SCFD2: variants seen among roughly 807,000 people sequenced by gnomAD.
The protein encoded by SCFD2 is sec1 family domain containing 2, also known as sec1 family domain-containing protein 2.
A neutral mutation model predicts 58.9 loss-of-function variants in SCFD2; 54 were observed. The ratio of observed to expected loss-of-function variants is 0.92; its 90% CI spans 0.74 to 1.15. SCFD2 has a LOEUF of 1.15. SCFD2 is among the 50% of genes most tolerant of loss of function. SCFD2 has a pLI of 0.00. For synonymous variants in SCFD2, 321 were observed against 335.9 expected, an observed-to-expected ratio of 0.96 and a Z score of 0.49; for missense variants, 805 against 836.6, an observed-to-expected ratio of 0.96 and a Z score of 0.47.
chr4:53,117,049 T>A (rs1182427472), intron 5 of SCFD2, among the ~76,000 whole-genome samples: 1 of 152,136 alleles, frequency 6.6e-6, no homozygotes, highest in East Asian at 1.9e-4. Context: ...TCCTGAGAAA[T>A]AGACTCAGAA....
chr4:53,311,509 T>C (rs1732687899), intron 3 of SCFD2, among the ~76,000 whole-genome samples: 1 of 152,186 alleles, frequency 6.6e-6, no homozygotes, highest in South Asian at 2.1e-4. Flanking sequence ...GTTGCTCTTT[T>C]AAGAGTCCTG....
intron 5 of SCFD2, among the ~76,000 whole-genome samples, chr4:53,135,494 G>T (rs1725909179): frequency 6.6e-6 from 1 of 152,170 alleles, no homozygotes; most frequent in African/African-American, 2.4e-5. Flanking sequence ...CCAGCACTTT[G>T]GGAGGCCGAG....
chr4:52,878,801 CATGGGTGATGCTCA>C (rs567944110), intron 8 of SCFD2, among the ~76,000 whole-genome samples: 33 of 152,284 alleles, frequency 2.2e-4, no homozygotes, highest in African/African-American at 7.7e-4. Context: ...AGAAAATTCC[CATGGGTGATGCTCA>C]ATGCTTGCCC....
intron 5 of SCFD2, among the ~76,000 whole-genome samples, chr4:52,940,562 C>T (rs974832787): frequency 2.0e-5 from 3 of 152,150 alleles, no homozygotes; most frequent in African/African-American, 7.2e-5. Context: ...TGGGAGGACT[C>T]TTGTAATCTG....
chr4:53,231,468 C>A (rs920722988), intron 4 of SCFD2, among the ~76,000 whole-genome samples: 1 of 152,170 alleles, frequency 6.6e-6, no homozygotes, highest in African/African-American at 2.4e-5. Flanking sequence ...CATAAGCTCT[C>A]CTACAAAAGC....
intron 5 of SCFD2, among the ~76,000 whole-genome samples, chr4:52,932,234 T>C (rs1720014777): frequency 6.6e-6 from 1 of 152,232 alleles, no homozygotes; most frequent in African/African-American, 2.4e-5. Flanking sequence ...CTGGCTGTGA[T>C]GCGTCTCTGG....
At chr4:53,177,841 C>T (rs1388387867) in intron 4 of SCFD2, among the ~76,000 whole-genome samples, 3 of 152,214 alleles carry the variant, frequency 2.0e-5, no homozygotes, top group Admixed American at 6.5e-5. Context: ...AAAAATGGCA[C>T]ACCAGGAGAT....
chr4:53,060,660 C>G (rs796956029), intron 5 of SCFD2, among the ~76,000 whole-genome samples: 11 of 152,050 alleles, frequency 7.2e-5, no homozygotes, highest in African/African-American at 2.7e-4. Context: ...TTTAATGAGA[C>G]ATTAAGGAAA....
At chr4:53,328,687 T>G (rs556698209) in intron 2 of SCFD2, among the ~76,000 whole-genome samples, 2 of 152,180 alleles carry the variant, frequency 1.3e-5, no homozygotes, top group South Asian at 4.2e-4. Flanking sequence ...ATTGGAAAAA[T>G]CACTATTATC....
At chr4:53,199,977 A>G (rs1175176432) in intron 4 of SCFD2, among the ~76,000 whole-genome samples, 1 of 151,934 alleles carries the variant, frequency 6.6e-6, no homozygotes, top group Non-Finnish European at 1.5e-5. Flanking sequence ...AGAGAGGGAG[A>G]GAGAGAGAGA....
chr4:52,937,258 C>T (rs1167052979), intron 5 of SCFD2, among the ~76,000 whole-genome samples: 2 of 152,098 alleles, frequency 1.3e-5, no homozygotes, highest in African/African-American at 4.8e-5. Flanking sequence ...AGCAAGGGGG[C>T]CAAGTGGCTG....
intron 2 of SCFD2, among the ~76,000 whole-genome samples, chr4:53,325,150 G>A (rs1187508854): frequency 6.0e-5 from 9 of 149,734 alleles, no homozygotes; most frequent in East Asian, 2.0e-4. Context: ...CCTTAAGAAC[G>A]TAATATAACC....
At chr4:53,064,282 C>T (rs1280322260) in intron 5 of SCFD2, among the ~76,000 whole-genome samples, 1 of 152,060 alleles carries the variant, frequency 6.6e-6, no homozygotes. Flanking sequence ...CCACCCTCCC[C>T]CTCTAGTAGT....
rs969977198 is a variant in SCFD2, at chr4:52,907,351, A to C, written c.1842+106T>G. 30 of 1,114,120 alleles carry C rather than the reference A, an allele frequency of 2.7e-5. No homozygotes were observed. The African/African-American group carries it at 4.2e-4, about 16-fold the overall frequency. The allele number at this position is 1,114,120 out of a possible 1,614,324, so 69.0% of individuals were successfully genotyped here. On this transcript the variant is annotated intron_variant, in intron 7 of 8. Transcript: ENST00000401642. Reference sequence around the variant, plus strand: ...GATTTTAGAAGAGCCAAAATACCAAATGTTATCTGTATGGTGCTGGCTAGG... The same window carrying C: ...GATTTTAGAAGAGCCAAAATACCAACTGTTATCTGTATGGTGCTGGCTAGG...
chr4:52,941,166 AAAATT>A (rs1420071091), intron 5 of SCFD2, among the ~76,000 whole-genome samples: 1 of 152,170 alleles, frequency 6.6e-6, no homozygotes, highest in Non-Finnish European at 1.5e-5. Flanking sequence ...TTCAGCTGAC[AAAATT>A]AATTAAGCAC....
At chr4:52,980,009 G>A (rs1307936081) in intron 5 of SCFD2, among the ~76,000 whole-genome samples, 2 of 152,112 alleles carry the variant, frequency 1.3e-5, no homozygotes, top group African/African-American at 4.8e-5. Flanking sequence ...CAGGTCCAAG[G>A]GGGCACTGTG....
intron 7 of SCFD2, among the ~76,000 whole-genome samples, chr4:52,904,581 G>C (rs1322999405): frequency 1.3e-5 from 2 of 152,178 alleles, no homozygotes; most frequent in Non-Finnish European, 2.9e-5. Context: ...ATGACCTCGA[G>C]GGAGTTCACT....
At position 53,093,790 on chromosome 4, in the gene SCFD2, A is replaced by G. The variant is rs559631685; in HGVS notation, c.1561+51543T>C. Among the ~76,000 whole-genome samples the G allele has an allele frequency of 4.6e-5, 7 of 152,162 alleles. No homozygotes were observed. The East Asian group carries it at 9.7e-4, about 21-fold the overall frequency. ...TGTATTTGTGTGTGTGTAGAGATGTATATCTTTGCAGGAGCACTCAAGAAA... is the reference window on the plus strand; with the variant it reads ...TGTATTTGTGTGTGTGTAGAGATGTGTATCTTTGCAGGAGCACTCAAGAAA... On this transcript the variant is annotated intron_variant, in intron 5 of 8. Coordinates refer to ENST00000401642, the MANE Select transcript of SCFD2 (RefSeq NM_152540.4).
intron 4 of SCFD2, among the ~76,000 whole-genome samples, chr4:53,220,173 G>T (rs1231536168): frequency 6.6e-6 from 1 of 152,142 alleles, no homozygotes; most frequent in Non-Finnish European, 1.5e-5. Flanking sequence ...TTTAGCCCAT[G>T]ACCCAGCTTC....
Sources: gnomAD v4.1 joint callset for allele counts (sites outside exome capture counted in the v4.1 genomes callset) on GRCh38, gnomAD v4.1.1 for gene constraint, MANE v1.5 for transcripts, NCBI Gene and HGNC (gene_info 2026-07-23, HGNC 2026-07-21) for gene names.